LRP1B: variants seen among roughly 807,000 people sequenced by gnomAD.
LRP1B encodes the protein low-density lipoprotein receptor-related protein 1B.
A neutral mutation model predicts 556.6 loss-of-function variants in LRP1B; 217 were observed. The ratio of observed to expected loss-of-function variants is 0.39; its 90% CI spans 0.35 to 0.44. LRP1B has a LOEUF of 0.44. Ranked by LOEUF, LRP1B falls within the 20% of genes least tolerant of loss-of-function variation. LRP1B has a pLI of 1.00. For synonymous variants in LRP1B, 2,047 were observed against 1,865.8 expected (o/e 1.10, Z -2.50); for missense variants, 5,053 against 5,620.8 (o/e 0.90, Z 3.23).
Position 140,868,082 on chromosome 2 carries a change from G to C in LRP1B, c.4334+17C>G, listed in dbSNP as rs756902081. ...TAAGTAAAAAAAAAAATACAGAAAA[G>C]AGATGATTTTTTAAACCTGGCGTCT... On this transcript the variant is annotated intron_variant, in intron 26 of 90. Coordinates refer to ENST00000389484, the MANE Select transcript of LRP1B (RefSeq NM_018557.3). 13 of 1,570,772 alleles carry C rather than the reference G, an allele frequency of 8.3e-6. No individual in the cohort carries two copies. The highest frequency in any genetic ancestry group is 1.2e-5 in the South Asian group (1 of 83,258).
chr2:140,826,822 G>C (rs2105065947), intron 31 of LRP1B, among the ~76,000 whole-genome samples: 1 of 152,256 alleles, frequency 6.6e-6, no homozygotes, highest in South Asian at 2.1e-4. Context: ...GAGACACAAA[G>C]GGGAGGTGGG....
At chr2:141,770,105 T>C (rs1482960225) in intron 2 of LRP1B, among the ~76,000 whole-genome samples, 2 of 152,082 alleles carry the variant, frequency 1.3e-5, no homozygotes, top group Admixed American at 1.3e-4. Context: ...TGATTGGTTC[T>C]GGCTCCCTCC....
Position 142,130,676 on chromosome 2 carries a change from G to A in LRP1B, c.54C>T (p.Ala18=), listed in dbSNP as rs1707817967. 1 of 1,613,616 alleles carries A rather than the reference G, an allele frequency of 6.2e-7. No homozygotes were observed. Among genetic ancestry groups the A allele is most frequent in the Non-Finnish European group, 8.5e-7 (1 of 1,179,770 alleles). The change falls in exon 1 of 91, where the codon GCC becomes GCT. Residue 18 remains alanine, a synonymous_variant. Transcript: ENST00000389484. ...LLTLSGLLPI[A]RVLTVGADRD... ...GGTCGGCTCCCACGGTCAGCACCCT[G>A]GCAATCGGCAATAATCCCGAGAGAG...
intron 3 of LRP1B, among the ~76,000 whole-genome samples, chr2:141,366,475 A>G (rs1689038638): frequency 1.3e-5 from 2 of 152,354 alleles, no homozygotes; most frequent in East Asian, 1.9e-4. Flanking sequence ...AATAGCTTCA[A>G]TGTTCAGTCT....
chr2:141,857,186 C>T, intron 1 of LRP1B, among the ~76,000 whole-genome samples: 1 of 151,978 alleles, frequency 6.6e-6, no homozygotes, highest in Non-Finnish European at 1.5e-5. Flanking sequence ...ATAAAGTCAA[C>T]CTTCATTATT....
At chr2:140,373,256 C>T (rs915666257) in intron 68 of LRP1B, 119 bp from the exon 69 acceptor site, 1 of 810,716 alleles carries the variant, frequency 1.2e-6, no homozygotes, top group Admixed American at 3.0e-5. Flanking sequence ...CAACTTGTTT[C>T]ACAACTTCTC....
chr2:141,579,938 A>AG (rs1686904802), intron 2 of LRP1B, among the ~76,000 whole-genome samples: 3 of 151,896 alleles, frequency 2.0e-5, no homozygotes, highest in Non-Finnish European at 4.4e-5. Flanking sequence ...CTGACCTCGT[A>AG]ATCCACCCGT....
chr2:141,616,987 A>C (rs949660913), intron 2 of LRP1B, among the ~76,000 whole-genome samples: 4 of 151,882 alleles, frequency 2.6e-5, no homozygotes. Context: ...AATCAGACTT[A>C]CTCTTCAGGT....
intron 35 of LRP1B, among the ~76,000 whole-genome samples, chr2:140,766,706 C>T (rs1307302960): frequency 6.6e-6 from 1 of 150,576 alleles, no homozygotes; most frequent in Non-Finnish European, 1.5e-5. Context: ...AGTGAAGAAA[C>T]ACCCTTTTTT....
chr2:141,911,212 G>A (rs1197091154), intron 1 of LRP1B, among the ~76,000 whole-genome samples: 1 of 152,062 alleles, frequency 6.6e-6, no homozygotes. Flanking sequence ...ATTAAATATG[G>A]CAACAAGAGT....
chr2:142,129,132 C>G (rs1341734677), intron 1 of LRP1B, among the ~76,000 whole-genome samples: 1 of 152,162 alleles, frequency 6.6e-6, no homozygotes, highest in Non-Finnish European at 1.5e-5. Context: ...CAACTTCAAA[C>G]ATTTTTCCTA....
chr2:140,393,262 ATTTT>A (rs1160971344), intron 66 of LRP1B, among the ~76,000 whole-genome samples: 4 of 152,098 alleles, frequency 2.6e-5, no homozygotes, highest in African/African-American at 9.6e-5. Context: ...TATATATGTA[ATTTT>A]TTGTTTATTA....
At chr2:141,760,228 A>G (rs962127995) in intron 2 of LRP1B, among the ~76,000 whole-genome samples, 3 of 152,218 alleles carry the variant, frequency 2.0e-5, no homozygotes, top group Non-Finnish European at 2.9e-5. Context: ...GTCTTCATCC[A>G]TAAGTTGTGA....
chr2:141,824,456 T>C (rs1696857640), intron 1 of LRP1B, among the ~76,000 whole-genome samples: 1 of 152,132 alleles, frequency 6.6e-6, no homozygotes, highest in Non-Finnish European at 1.5e-5. Context: ...GCCTCCCAGG[T>C]TCACGCCATT....
At chr2:141,146,086 G>A (rs74411637) in intron 7 of LRP1B, among the ~76,000 whole-genome samples, 4,152 of 151,518 alleles carry the variant, frequency 0.027, 77 homozygotes, top group East Asian at 0.063. Flanking sequence ...CACCATGCCC[G>A]GCTAATTTTT....
At chr2:140,939,642 C>T (rs1695335787) in intron 20 of LRP1B, among the ~76,000 whole-genome samples, 1 of 151,160 alleles carries the variant, frequency 6.6e-6, no homozygotes, top group East Asian at 1.9e-4. Context: ...TGAGTGTTCA[C>T]TTAATACAGC....
rs758715859 is a variant in LRP1B at position 140,923,052 on chromosome 2, C to T, written c.3232G>A (p.Asp1078Asn). ...TTTTCATCACTACCATCTTCACAGTCTTTTTCTCCATCACAGCGCCACAAA... is the reference window on the plus strand; with the variant it reads ...TTTTCATCACTACCATCTTCACAGTTTTTTTCTCCATCACAGCGCCACAAA... The part of the protein sequence containing the change: ...PDLWRCDGEK[D>N]CEDGSDEKGC... Residue 1078 changes from aspartate (D) to asparagine (N), a missense_variant, in exon 21 of 91, where the codon GAC (aspartate) becomes AAC (asparagine). Asp to Asn is a conservative substitution (Grantham distance 23, BLOSUM62 1). Transcript: ENST00000389484. The T allele has an allele frequency of 1.2e-6, 2 of 1,613,218 alleles. No individual in the cohort carries two copies. Among genetic ancestry groups the T allele is most frequent in the Admixed American group, 1.7e-5 (1 of 59,880 alleles).
At chr2:142,096,811 A>C (rs1320992557) in intron 1 of LRP1B, among the ~76,000 whole-genome samples, 1 of 151,550 alleles carries the variant, frequency 6.6e-6, no homozygotes, top group African/African-American at 2.4e-5. Context: ...TGGGGTATGC[A>C]TGACCCCATC....
chr2:141,343,929 T>C (rs1257305472), intron 3 of LRP1B, among the ~76,000 whole-genome samples: 1 of 152,170 alleles, frequency 6.6e-6, no homozygotes, highest in Admixed American at 6.5e-5. Flanking sequence ...TTCCCAGCTC[T>C]CTCTCTCTTT....
Sources: allele counts gnomAD v4.1 joint callset (sites outside exome capture counted in the v4.1 genomes callset), GRCh38; gene constraint gnomAD v4.1.1; transcripts MANE v1.5; gene names NCBI Gene and HGNC (gene_info 2026-07-23, HGNC 2026-07-21).